The following PDE4D variants were observed in gnomAD, a reference collection of about 807,000 sequenced individuals.
PDE4D encodes the protein 3',5'-cyclic-AMP phosphodiesterase 4D.
PDE4D carries 24 observed loss-of-function variants against 87.4 expected under a neutral mutation model. The ratio of observed to expected loss-of-function variants is 0.27; its 90% CI spans 0.20 to 0.39. The LOEUF (loss-of-function observed/expected upper bound fraction) is 0.39, where lower values mean the gene tolerates loss of function less well. PDE4D is among the 10% of genes least tolerant of loss of function. The pLI is 1.00. For synonymous variants in PDE4D, 384 were observed against 383.2 expected (o/e 1.00, Z -0.02); for missense variants, 714 against 1,041.0 (o/e 0.69, Z 4.32).
At chr5:59,868,645 T>G (rs779580392) in intron 1 of PDE4D, among the ~76,000 whole-genome samples, 2 of 152,180 alleles carry the variant, frequency 1.3e-5, no homozygotes, top group Non-Finnish European at 2.9e-5. Flanking sequence ...ACTCCATCAG[T>G]AATGTCTAAC....
intron 1 of PDE4D, among the ~76,000 whole-genome samples, chr5:59,563,325 G>A (rs1820365673): frequency 1.3e-5 from 2 of 152,208 alleles, no homozygotes; most frequent in African/African-American, 4.8e-5. Flanking sequence ...TGAAGCAGCA[G>A]GACTCATTGA....
At chr5:59,169,217 G>A (rs1274377790) in intron 5 of PDE4D, among the ~76,000 whole-genome samples, 1 of 152,122 alleles carries the variant, frequency 6.6e-6, no homozygotes, top group African/African-American at 2.4e-5. Context: ...CACAGTCACT[G>A]TATTTCTGAG....
chr5:60,394,254 A>G (rs1297641783), intron 1 of PDE4D, among the ~76,000 whole-genome samples: 1 of 152,230 alleles, frequency 6.6e-6, no homozygotes, highest in Non-Finnish European at 1.5e-5. Context: ...AATTTTTCCT[A>G]CACAAGGTCA....
At chr5:58,997,911 T>C (rs796740175) in intron 6 of PDE4D, among the ~76,000 whole-genome samples, 3 of 152,268 alleles carry the variant, frequency 2.0e-5, no homozygotes, top group African/African-American at 7.2e-5. Context: ...CCTTTACTTC[T>C]ACATCACGCC....
chr5:59,386,524 A>G (rs956480466), intron 1 of PDE4D, among the ~76,000 whole-genome samples: 9 of 142,432 alleles, frequency 6.3e-5, no homozygotes, highest in Non-Finnish European at 4.7e-5. Context: ...GTTTTAGAAT[A>G]TGACTTGGGC....
chr5:59,981,176 T>C (rs577291680), intron 3 of PDE4D, among the ~76,000 whole-genome samples: 3 of 152,078 alleles, frequency 2.0e-5, no homozygotes, highest in African/African-American at 4.8e-5. Context: ...CGCTTGAACC[T>C]GGGGGGCGGA....
At chr5:60,446,800 A>G (rs768116520) in intron 1 of PDE4D, among the ~76,000 whole-genome samples, 9 of 152,144 alleles carry the variant, frequency 5.9e-5, no homozygotes, top group Non-Finnish European at 1.0e-4. Context: ...GGACCTTGGT[A>G]TGCCTGCTCA....
At chr5:60,150,771 C>A (rs1781435765) in intron 2 of PDE4D, among the ~76,000 whole-genome samples, 1 of 152,058 alleles carries the variant, frequency 6.6e-6, no homozygotes, top group African/African-American at 2.4e-5. Flanking sequence ...TAAAGCTCAC[C>A]CACTTCCCTG....
At chr5:59,364,607 A>G (rs1562037390) in intron 1 of PDE4D, among the ~76,000 whole-genome samples, 1 of 152,184 alleles carries the variant, frequency 6.6e-6, no homozygotes, top group Non-Finnish European at 1.5e-5. Flanking sequence ...CAAAATTATA[A>G]CTATGGGCTT....
intron 1 of PDE4D, among the ~76,000 whole-genome samples, chr5:59,394,780 C>A (rs371482555): frequency 6.6e-6 from 1 of 152,162 alleles, no homozygotes; most frequent in African/African-American, 2.4e-5. Context: ...GCCTGAGCGA[C>A]GCAGAAGACA....
chr5:59,557,356 C>T (rs1045161344), intron 1 of PDE4D, among the ~76,000 whole-genome samples: 10 of 152,192 alleles, frequency 6.6e-5, no homozygotes, highest in African/African-American at 2.2e-4. Flanking sequence ...GGTATAGAAG[C>T]TTGTTCCAAT....
At chr5:59,882,498 A>G (rs1210797339) in intron 1 of PDE4D, among the ~76,000 whole-genome samples, 1 of 152,240 alleles carries the variant, frequency 6.6e-6, no homozygotes, top group African/African-American at 2.4e-5. Context: ...ATCTCGATAG[A>G]CTAAAAATGT....
At chr5:60,292,557 G>A (rs1015936090) in intron 1 of PDE4D, among the ~76,000 whole-genome samples, 2 of 152,116 alleles carry the variant, frequency 1.3e-5, no homozygotes, top group African/African-American at 2.4e-5. Flanking sequence ...TTCCAAACAA[G>A]TCTAATTCTA....
chr5:59,714,955 G>T (rs1447630656), intron 1 of PDE4D, among the ~76,000 whole-genome samples: 1 of 152,222 alleles, frequency 6.6e-6, no homozygotes, highest in Non-Finnish European at 1.5e-5. Context: ...GACCACAGAT[G>T]GTTTTGGCTG....
intron 2 of PDE4D, among the ~76,000 whole-genome samples, chr5:60,181,718 G>A (rs1459330573): frequency 2.0e-5 from 3 of 152,200 alleles, no homozygotes; most frequent in East Asian, 3.9e-4. Context: ...GGAATTTAAT[G>A]CAAAAGACTA....
At chr5:60,151,616 C>A (rs767283971) in intron 2 of PDE4D, among the ~76,000 whole-genome samples, 3 of 152,064 alleles carry the variant, frequency 2.0e-5, no homozygotes, top group Admixed American at 6.5e-5. Flanking sequence ...TGCAAGTTTA[C>A]TGAATTTGCT....
chr5:60,109,323 A>T (rs1216799218), intron 2 of PDE4D, among the ~76,000 whole-genome samples: 3 of 152,174 alleles, frequency 2.0e-5, no homozygotes, highest in African/African-American at 7.2e-5. Flanking sequence ...ACCATCTCAC[A>T]CCAGTTAGAA....
chr5:60,430,182 G>T, intron 1 of PDE4D: 2 of 523,074 alleles, frequency 3.8e-6, no homozygotes, highest in Non-Finnish European at 7.7e-6. Flanking sequence ...CTCCATGAAT[G>T]CACTTATGAA....
chr5:59,442,429 G>A (rs1797771328), intron 1 of PDE4D, among the ~76,000 whole-genome samples: 1 of 152,116 alleles, frequency 6.6e-6, no homozygotes, highest in African/African-American at 2.4e-5. Context: ...TGCAACATCA[G>A]GGTCTTTGAG....
Sources: allele counts gnomAD v4.1 joint callset (sites outside exome capture counted in the v4.1 genomes callset), GRCh38; gene constraint gnomAD v4.1.1; transcripts MANE v1.5; gene names NCBI Gene and HGNC (gene_info 2026-07-23, HGNC 2026-07-21).